CNTNAP5: variants seen among roughly 807,000 people sequenced by gnomAD.
CNTNAP5 encodes the protein contactin-associated protein-like 5.
CNTNAP5 carries 72 observed loss-of-function variants against 150.2 expected under a neutral mutation model. The observed-to-expected ratio is 0.48, with a 90% confidence interval of 0.40 to 0.58. CNTNAP5 has a LOEUF of 0.58. Ranked by LOEUF, CNTNAP5 falls within the 20% of genes least tolerant of loss-of-function variation. The pLI is 0.00. For synonymous variants in CNTNAP5, 672 were observed against 619.8 expected (o/e 1.08, Z -1.25); for missense variants, 1,636 against 1,626.2 (o/e 1.01, Z -0.10).
intron 19 of CNTNAP5, among the ~76,000 whole-genome samples, chr2:124,837,026 C>A (rs755043511): frequency 6.6e-6 from 1 of 152,036 alleles, no homozygotes; most frequent in South Asian, 2.1e-4. Flanking sequence ...CTCTCATCTT[C>A]CCCTGTGAGA....
chr2:124,885,549 TCACACACACACACACACACA>T (rs3980831), intron 21 of CNTNAP5, among the ~76,000 whole-genome samples: 3 of 145,262 alleles, frequency 2.1e-5, no homozygotes, highest in Admixed American at 1.4e-4. Context: ...AACATTTTCA[TCACACACACACACACACACA>T]CACACACACA....
chr2:124,179,657 C>T (rs1367126203), intron 1 of CNTNAP5, among the ~76,000 whole-genome samples: 1 of 152,146 alleles, frequency 6.6e-6, no homozygotes, highest in Non-Finnish European at 1.5e-5. Context: ...GAAAATGCTT[C>T]CTTTAATTAT....
In CNTNAP5 at chr2:124,311,348, C is replaced by T. The variant is rs531119027; in HGVS notation, c.381+68955C>T. Among the ~76,000 whole-genome samples the T allele has an allele frequency of 2.6e-5, 4 of 152,248 alleles. No homozygotes were observed. In the South Asian group the frequency reaches 8.3e-4, roughly 32 times the overall value. On this transcript the variant is annotated intron_variant, in intron 3 of 23. Transcript: ENST00000682447. ...GAGTGAGGCCTCTCTTTCTAGCTTG[C>T]AGACGGCCGCCTTCTCATGGAGTCC... is the stretch of plus-strand genomic sequence containing the variant.
chr2:124,389,349 G>A (rs992256020), intron 3 of CNTNAP5, among the ~76,000 whole-genome samples: 1 of 152,086 alleles, frequency 6.6e-6, no homozygotes, highest in Non-Finnish European at 1.5e-5. Context: ...TTAAATGATT[G>A]TCAGTAATAA....
intron 3 of CNTNAP5, among the ~76,000 whole-genome samples, chr2:124,286,218 T>C (rs1471040434): frequency 6.6e-6 from 1 of 152,188 alleles, no homozygotes; most frequent in Non-Finnish European, 1.5e-5. Context: ...CGAATCTGCC[T>C]GGCTCTGGCT....
intron 4 of CNTNAP5, among the ~76,000 whole-genome samples, chr2:124,426,716 T>C (rs1692246560): frequency 1.3e-5 from 2 of 152,204 alleles, no homozygotes; most frequent in African/African-American, 4.8e-5. Context: ...GAAGCCCTTT[T>C]TTTAGCTGGT....
At chr2:124,307,204 T>A (rs1451159909) in intron 3 of CNTNAP5, among the ~76,000 whole-genome samples, 1 of 152,174 alleles carries the variant, frequency 6.6e-6, no homozygotes. Flanking sequence ...TACTGCCTTC[T>A]TACTAGCTAT....
chr2:124,839,576 T>C (rs2104690872), intron 19 of CNTNAP5, among the ~76,000 whole-genome samples: 1 of 152,192 alleles, frequency 6.6e-6, no homozygotes, highest in South Asian at 2.1e-4. Flanking sequence ...AATCCTTCTT[T>C]ACCCTGGGGC....
chr2:124,110,009 T>C (rs1394307570), intron 1 of CNTNAP5, among the ~76,000 whole-genome samples: 1 of 152,220 alleles, frequency 6.6e-6, no homozygotes, highest in African/African-American at 2.4e-5. Context: ...ACAAGTACTA[T>C]TGTAGGCTAT....
intron 3 of CNTNAP5, among the ~76,000 whole-genome samples, chr2:124,318,846 C>T (rs1245696930): frequency 6.6e-6 from 1 of 152,148 alleles, no homozygotes; most frequent in African/African-American, 2.4e-5. Flanking sequence ...CTATTTCTCT[C>T]CAGTCCCCCT....
At chr2:124,279,233 GTGTGTGTGTGTGTGTC>G (rs1316366813) in intron 3 of CNTNAP5, among the ~76,000 whole-genome samples, 4 of 151,262 alleles carry the variant, frequency 2.6e-5, no homozygotes, top group Non-Finnish European at 5.9e-5. Context: ...AAGTGTGTGT[GTGTGTGTGTGTGTGTC>G]TGTGTGTGTG....
At chr2:124,202,346 T>C (rs889976703) in intron 1 of CNTNAP5, among the ~76,000 whole-genome samples, 6 of 152,280 alleles carry the variant, frequency 3.9e-5, no homozygotes, top group African/African-American at 9.6e-5. Context: ...CCCCAATAAA[T>C]GTGATTCAGT....
At chr2:124,495,961 C>A (rs922172931) in intron 7 of CNTNAP5, among the ~76,000 whole-genome samples, 1 of 152,018 alleles carries the variant, frequency 6.6e-6, no homozygotes, top group Non-Finnish European at 1.5e-5. Flanking sequence ...CAGCAGAATA[C>A]GTGTCTCCCT....
chr2:124,881,992 T>C (rs1010349212), intron 21 of CNTNAP5, among the ~76,000 whole-genome samples: 1 of 152,064 alleles, frequency 6.6e-6, no homozygotes, highest in East Asian at 1.9e-4. Flanking sequence ...TGACCAGTCA[T>C]GCTAGTCTAC....
intron 1 of CNTNAP5, among the ~76,000 whole-genome samples, chr2:124,160,418 G>T (rs936832381): frequency 2.0e-5 from 3 of 151,520 alleles, no homozygotes; most frequent in African/African-American, 7.3e-5. Context: ...TAACATTAAG[G>T]TGATCAGATC....
intron 13 of CNTNAP5, among the ~76,000 whole-genome samples, chr2:124,712,738 T>C (rs1213019903): frequency 6.7e-6 from 1 of 149,568 alleles, no homozygotes; most frequent in East Asian, 2.0e-4. Context: ...GCCAGAGCAC[T>C]CTCAGCCTTT....
chr2:124,488,230 G>T (rs1234242841), intron 7 of CNTNAP5, among the ~76,000 whole-genome samples: 1 of 152,150 alleles, frequency 6.6e-6, no homozygotes, highest in Non-Finnish European at 1.5e-5. Flanking sequence ...CTACTTTGGT[G>T]TAATTTTGTG....
chr2:124,331,805 C>T (rs1305770941), intron 3 of CNTNAP5, among the ~76,000 whole-genome samples: 1 of 151,966 alleles, frequency 6.6e-6, no homozygotes, highest in Non-Finnish European at 1.5e-5. Flanking sequence ...CACAAGCTCA[C>T]AGAATGTGTC....
At chr2:124,341,709 C>T (rs189435561) in intron 3 of CNTNAP5, among the ~76,000 whole-genome samples, 74 of 152,272 alleles carry the variant, frequency 4.9e-4, no homozygotes, top group Admixed American at 4.6e-3. Context: ...TTCTGGAGGG[C>T]AGTCAGTTGA....
Sources: gnomAD v4.1 joint callset for allele counts (sites outside exome capture counted in the v4.1 genomes callset) on GRCh38, gnomAD v4.1.1 for gene constraint, MANE v1.5 for transcripts, NCBI Gene and HGNC (gene_info 2026-07-23, HGNC 2026-07-21) for gene names.